Variants in MIB2 observed in about 807,000 individuals in gnomAD.
The protein encoded by MIB2 is MIB E3 ubiquitin protein ligase 2.
MIB2 carries 78 observed loss-of-function variants against 96.6 expected under a neutral mutation model. That is an observed-to-expected ratio of 0.81 (90% confidence interval 0.67 to 0.97). The LOEUF (loss-of-function observed/expected upper bound fraction) is 0.97, where lower values mean the gene tolerates loss of function less well. Ranked by LOEUF, MIB2 falls within the 50% of genes least tolerant of loss-of-function variation. The probability of loss-of-function intolerance (pLI) is 0.00; values close to 1 mark genes in which losing one functional copy is unlikely to be tolerated. For missense variants in MIB2, 1,543 were observed against 1,424.0 expected (o/e 1.08, Z -1.35); for synonymous variants, 820 against 629.5 (o/e 1.30, Z -4.53).
intron 1 of MIB2, chr1:1,616,154 C>A: frequency 1.0e-6 from 1 of 961,276 alleles, no homozygotes. Context: ...GCGGCCTCCG[C>A]GAGCCACGGG....
chr1:1,629,623 G>C lies in MIB2; in HGVS notation c.2564-16G>C, dbSNP rs181368401. 7.3e-4 allele frequency: 1,158 copies of C among 1,578,216 alleles called. 7 individuals carry two copies. In the African/African-American group the frequency reaches 0.013, roughly 18 times the overall value. On this transcript the variant is annotated splice_polypyrimidine_tract_variant and intron_variant, in intron 18 of 19. Coordinates refer to ENST00000355826, the MANE Select transcript of MIB2 (RefSeq NM_001170687.4). ...GGCTAGTAGGGCCGCAGCCAACCGCGCTCTCCTCTTCGCAGAGTGCGCGCG... is the reference window on the plus strand; with the variant it reads ...GGCTAGTAGGGCCGCAGCCAACCGCCCTCTCCTCTTCGCAGAGTGCGCGCG...
chr1:1,621,411 G>T (rs1186982976), intron 2 of MIB2, among the ~76,000 whole-genome samples: 1 of 152,256 alleles, frequency 6.6e-6, no homozygotes, highest in Non-Finnish European at 1.5e-5. Context: ...CTGCCCACGG[G>T]ACCCCTCTCC....
chr1:1,629,611 G>T (rs1638319905), intron 18 of MIB2, 28 bp from the exon 19 acceptor site: 2 of 1,568,504 alleles, frequency 1.3e-6, no homozygotes, highest in Non-Finnish European at 1.7e-6. Context: ...TAGTAGGGCC[G>T]CAGCCAACCG....
chr1:1,623,005 C>G (rs998168073), intron 2 of MIB2: 2 of 286,820 alleles, frequency 7.0e-6, no homozygotes, highest in African/African-American at 4.5e-5. Flanking sequence ...GTCACGGTGT[C>G]TGCTCACTTG....
intron 2 of MIB2, among the ~76,000 whole-genome samples, chr1:1,622,350 C>T (rs1395687180): frequency 6.6e-6 from 1 of 152,204 alleles, no homozygotes; most frequent in African/African-American, 2.4e-5. Context: ...TGTTCACATC[C>T]ATTCTTCTTG....
In MIB2 at chr1:1,628,036, G is replaced by T. The variant is rs757777062; in HGVS notation, c.1698G>T (p.Thr566=). 6.2e-7 allele frequency: 1 copy of T among 1,612,936 alleles called. No homozygotes were observed. The highest frequency in any genetic ancestry group is 1.1e-5 in the South Asian group (1 of 91,076). The change falls in exon 14 of 20, where the codon ACG becomes ACT. Residue 566 remains threonine (T), a synonymous_variant. Transcript: ENST00000355826. Reference sequence around the variant, plus strand: ...CCCAGCAGGACGCCCACTCGGACACGCCCCTGCACTCCGCCATCTCGGCGG... The same window carrying T: ...CCCAGCAGGACGCCCACTCGGACACTCCCCTGCACTCCGCCATCTCGGCGG... ...DVNLPDAHSD[T]PLHSAISAGT...
rs780930779 is a variant in MIB2, at chr1:1,630,425, C to A, written c.2763C>A (p.Leu921=). Residue 921 remains leucine (L), a synonymous_variant, in exon 20 of 20, where the codon CTC becomes CTA. Transcript: ENST00000355826. The part of the protein sequence containing the change: ...CPICIDSHIR[L]VFQCGHGACA... ...TCTGCATCGACAGCCACATCCGCCT[C>A]GTGTTCCAGTGCGGCCACGGCGCAT... is the stretch of plus-strand genomic sequence containing the variant. 3.2e-6 allele frequency: 5 copies of A among 1,586,526 alleles called. No homozygotes were observed. Among genetic ancestry groups the A allele is most frequent in the Non-Finnish European group, 4.3e-6 (5 of 1,168,386 alleles).
chr1:1,627,951 C>T (rs1016817159), intron 13 of MIB2, 68 bp from the exon 14 acceptor site: 1 of 1,606,370 alleles, frequency 6.2e-7, no homozygotes, highest in Non-Finnish European at 8.5e-7. Context: ...AGTGCTGCTC[C>T]CTGGGTGCCC....
chr1:1,625,817 A>G lies in MIB2; in HGVS notation c.972+164A>G. The G allele has an allele frequency of 8.0e-6, 5 of 621,124 alleles. No individual in the cohort carries two copies. Among genetic ancestry groups the G allele is most frequent in the Middle Eastern group, 4.3e-4 (1 of 2,306 alleles). 38.5% of individuals were successfully genotyped at this position (621,124 alleles called of 1,614,324 possible). ...CTGGTGGGTGGAGGTGGGTGGGGTC[A>G]AGGAGAAGAGGGGGTTGGGTGTGAA... On this transcript the variant is annotated intron_variant, in intron 8 of 19. Transcript: ENST00000355826. The surrounding 1 kb of genome is among the most constrained non-coding windows in gnomAD (Gnocchi z 5.0).
At chr1:1,618,783 G>T (rs1314959372) in intron 2 of MIB2, 2 of 152,308 alleles carry the variant, frequency 1.3e-5, no homozygotes, top group African/African-American at 4.8e-5. Flanking sequence ...TGCTGGGCTG[G>T]ATCCTCCCGC....
In MIB2 at chr1:1,628,125, C is replaced by T; in HGVS notation, c.1787C>T (p.Thr596Ile). 1.9e-6 allele frequency: 3 copies of T among 1,613,418 alleles called. No individual in the cohort carries two copies. The highest frequency in any genetic ancestry group is 2.5e-6 in the Non-Finnish European group (3 of 1,180,000). Residue 596 changes from threonine to isoleucine, a missense_variant, in exon 14 of 20, where the codon ACC becomes ATC. Thr to Ile is a moderately conservative substitution (Grantham distance 89). Coordinates refer to ENST00000355826, the MANE Select transcript of MIB2 (RefSeq NM_001170687.4). Reference protein sequence around the residue: ...TEVPNIDVTATNSQGFTLLHH... With the variant: ...TEVPNIDVTAINSQGFTLLHH... Reference sequence around the variant, plus strand: ...GTGCCAAACATCGATGTTACCGCCACCAACAGCCAGGGTTTCACCCTGCTG... The same window carrying T: ...GTGCCAAACATCGATGTTACCGCCATCAACAGCCAGGGTTTCACCCTGCTG...
intron 2 of MIB2, chr1:1,616,907 CT>C (rs1569570557): frequency 2.8e-6 from 1 of 355,998 alleles, no homozygotes; most frequent in East Asian, 7.4e-5. Flanking sequence ...CGGTTCCACC[CT>C]GGCCTGTTGC....
intron 2 of MIB2, 121 bp downstream of exon 2, chr1:1,616,735 G>A (rs1643747201): frequency 1.3e-6 from 1 of 750,950 alleles, no homozygotes; most frequent in Non-Finnish European, 2.2e-6. Flanking sequence ...GTGGAGGGGA[G>A]TGGTGAGTAA....
chr1:1,621,622 C>T (rs948219621), intron 2 of MIB2, among the ~76,000 whole-genome samples: 4 of 152,260 alleles, frequency 2.6e-5, no homozygotes, highest in Admixed American at 6.5e-5. Flanking sequence ...GTGGGGGCTC[C>T]TCTTAGTCAC....
chr1:1,626,479 C>T lies in MIB2; in HGVS notation c.973-171C>T. ...GGACACCCAGGGCTGCCTTGGACACCTGGGGCTCTCGTCCAGCCAGAGCCT... is the reference window on the plus strand; with the variant it reads ...GGACACCCAGGGCTGCCTTGGACACTTGGGGCTCTCGTCCAGCCAGAGCCT... On this transcript the variant is annotated intron_variant, in intron 8 of 19. Coordinates refer to ENST00000355826, the MANE Select transcript of MIB2 (RefSeq NM_001170687.4). The surrounding 1 kb of genome is among the most constrained non-coding windows in gnomAD (Gnocchi z 5.3). 1.6e-6 allele frequency: 1 copy of T among 606,896 alleles called. No homozygotes were observed. Among genetic ancestry groups the T allele is most frequent in the Non-Finnish European group, 2.9e-6 (1 of 348,284 alleles). The allele number at this position is 606,896 out of a possible 1,614,324, so 37.6% of individuals were successfully genotyped here.
At position 1,630,603 on chromosome 1, in the gene MIB2, G is replaced by T; in HGVS notation, c.*73G>T. ...GTGTTTTATAAAAAGAAAGATTCTC[G>T]GACGTTGCCTCTGCTGTCTGCCTGG... is the stretch of plus-strand genomic sequence containing the variant. On this transcript the variant is annotated 3_prime_UTR_variant, in exon 20 of 20. Coordinates refer to ENST00000355826, the MANE Select transcript of MIB2 (RefSeq NM_001170687.4). The T allele has an allele frequency of 1.6e-6, 2 of 1,259,188 alleles. No individual in the cohort carries two copies. The highest frequency in any genetic ancestry group is 1.1e-6 in the Non-Finnish European group (1 of 940,574). The allele number at this position is 1,259,188 out of a possible 1,614,324, so 78.0% of individuals were successfully genotyped here.
chr1:1,615,529 C>G lies in MIB2; in HGVS notation c.-234C>G. 6.5e-7 allele frequency: 1 copy of G among 1,532,836 alleles called. No individual in the cohort carries two copies. Among genetic ancestry groups the G allele is most frequent in the Non-Finnish European group, 8.7e-7 (1 of 1,145,394 alleles). The allele number at this position is 1,532,836 out of a possible 1,614,324, so 95.0% of individuals were successfully genotyped here. Reference sequence around the variant, plus strand: ...TTCGGGTCCCACAGTTTCCAGCCGCCGCTCTCCTCAGTGCCCGGTGGCCCA... The same window carrying G: ...TTCGGGTCCCACAGTTTCCAGCCGCGGCTCTCCTCAGTGCCCGGTGGCCCA... On this transcript the variant is annotated 5_prime_UTR_variant, in exon 1 of 20. Transcript: ENST00000355826.
intron 2 of MIB2, 49 bp from the exon 3 acceptor site, chr1:1,623,382 C>T (rs774806851): frequency 3.1e-6 from 5 of 1,593,118 alleles, no homozygotes; most frequent in Non-Finnish European, 4.3e-6. Context: ...ATACCCTCTG[C>T]CCACAGGTCC....
rs749313792 is a variant in MIB2, at chr1:1,628,009, G to C, written c.1681-10G>C. ...TCACCCCCAGGTGACCACTGACTCC[G>C]CCCCAGCAGGACGCCCACTCGGACA... On this transcript the variant is annotated splice_polypyrimidine_tract_variant and intron_variant, in intron 13 of 19. Coordinates refer to ENST00000355826, the MANE Select transcript of MIB2 (RefSeq NM_001170687.4). 1.9e-6 allele frequency: 3 copies of C among 1,612,016 alleles called. No homozygotes were observed. In the South Asian group the frequency reaches 3.3e-5, roughly 18 times the overall value.
Sources: gnomAD v4.1 joint callset for allele counts (sites outside exome capture counted in the v4.1 genomes callset) on GRCh38, gnomAD v4.1.1 for gene constraint, Gnocchi (gnomAD v3.1) non-coding constraint, MANE v1.5 for transcripts, NCBI Gene and HGNC (gene_info 2026-07-23, HGNC 2026-07-21) for gene names.